Variants in SPOCK3 observed in about 807,000 individuals in gnomAD.
The protein encoded by SPOCK3 is testican-3.
In SPOCK3, 30 loss-of-function variants were observed where a neutral mutation model predicts 56.6. The ratio of observed to expected loss-of-function variants is 0.53; its 90% confidence interval spans 0.40 to 0.72. The LOEUF is 0.72. Among genes scored for constraint, SPOCK3 ranks in the 30% least tolerant of loss-of-function variants. The pLI is 0.00. For missense variants in SPOCK3, 527 were observed against 530.0 expected, an observed-to-expected ratio of 0.99 and a Z score of 0.06; for synonymous variants, 196 against 183.3, an observed-to-expected ratio of 1.07 and a Z score of -0.56.
At chr4:167,217,474 GA>G (rs1561335017) in intron 2 of SPOCK3, among the ~76,000 whole-genome samples, 2 of 151,922 alleles carry the variant, frequency 1.3e-5, no homozygotes, top group Non-Finnish European at 2.9e-5. Flanking sequence ...AAGTGTATTG[GA>G]GAATGAGTGT....
chr4:167,029,560 G>A (rs181182002), intron 3 of SPOCK3, among the ~76,000 whole-genome samples: 22 of 152,104 alleles, frequency 1.4e-4, no homozygotes, highest in Admixed American at 1.2e-3. Context: ...ATACAGAATT[G>A]TAGATTGTAA....
intron 6 of SPOCK3, among the ~76,000 whole-genome samples, chr4:166,877,880 C>T (rs996505107): frequency 6.6e-6 from 1 of 152,058 alleles, no homozygotes; most frequent in African/African-American, 2.4e-5. Flanking sequence ...ACAAGAAATG[C>T]ACAGAAAAGA....
intron 3 of SPOCK3, among the ~76,000 whole-genome samples, chr4:167,000,846 G>A (rs191279028): frequency 1.8e-4 from 27 of 152,200 alleles, no homozygotes; most frequent in African/African-American, 5.8e-4. Flanking sequence ...TTGCTTTCCC[G>A]AGATAAATGC....
chr4:166,781,165 A>G lies in SPOCK3; in HGVS notation c.709+11005T>C, dbSNP rs185013576. On this transcript the variant is annotated intron_variant, in intron 7 of 10. Transcript: ENST00000357545. ...CAGTTTTAACCAAAAAGATAGAGAC[A>G]TGTATAAAAGGAAGAAGAAAATAAA... 3.2e-3 allele frequency among the ~76,000 whole-genome samples: 483 copies of G among 152,302 alleles called. 4 individuals carry two copies. Among genetic ancestry groups the G allele is most frequent in the African/African-American group, 0.011 (455 of 41,568 alleles).
At chr4:166,797,434 C>T (rs548170115) in intron 6 of SPOCK3, among the ~76,000 whole-genome samples, 10 of 150,980 alleles carry the variant, frequency 6.6e-5, no homozygotes, top group African/African-American at 2.4e-4. Flanking sequence ...TCTCAAAGAA[C>T]TCTTTTGGCT....
intron 4 of SPOCK3, among the ~76,000 whole-genome samples, chr4:166,970,885 T>C (rs1486644651): frequency 6.6e-6 from 1 of 152,098 alleles, no homozygotes; most frequent in Admixed American, 6.6e-5. Context: ...CTTATTAAAT[T>C]TGATTTTTGT....
At chr4:166,817,968 A>C (rs17520051) in intron 6 of SPOCK3, among the ~76,000 whole-genome samples, 10,808 of 152,130 alleles carry the variant, frequency 0.071, 514 homozygotes, top group Non-Finnish European at 0.1. Flanking sequence ...TAATATCAGT[A>C]ACCGTATGAC....
Position 166,993,300 on chromosome 4 carries a change from A to G in SPOCK3, c.350+7049T>C, listed in dbSNP as rs147521954. Among the ~76,000 whole-genome samples, 695 of 152,238 alleles carry G rather than the reference A, an allele frequency of 4.6e-3. 6 individuals are homozygous for G. Among genetic ancestry groups the G allele is most frequent in the African/African-American group, 0.016 (662 of 41,556 alleles). On this transcript the variant is annotated intron_variant, in intron 4 of 10. Coordinates refer to ENST00000357545, the MANE Select transcript of SPOCK3 (RefSeq NM_001040159.2). ...CTATGCTCACTCAAAAAAAATTGACATCCCTTGAGGCGTCTAGTGCCTATG... is the reference window on the plus strand; with the variant it reads ...CTATGCTCACTCAAAAAAAATTGACGTCCCTTGAGGCGTCTAGTGCCTATG...
At chr4:166,890,926 T>C (rs1734706927) in intron 5 of SPOCK3, among the ~76,000 whole-genome samples, 1 of 152,050 alleles carries the variant, frequency 6.6e-6, no homozygotes, top group Non-Finnish European at 1.5e-5. Flanking sequence ...GTTTTATGAA[T>C]CGGGGTACTC....
At chr4:166,913,961 G>A (rs943404747) in intron 4 of SPOCK3, among the ~76,000 whole-genome samples, 5 of 152,022 alleles carry the variant, frequency 3.3e-5, no homozygotes, top group Non-Finnish European at 5.9e-5. Context: ...CTGAAAAACA[G>A]TTGGCACAAT....
chr4:166,839,780 T>A (rs1747039434), intron 6 of SPOCK3, among the ~76,000 whole-genome samples: 1 of 152,128 alleles, frequency 6.6e-6, no homozygotes, highest in African/African-American at 2.4e-5. Flanking sequence ...ATGTGCACAG[T>A]TTAATTTTAG....
At chr4:167,059,383 CA>C (rs1312577598) in intron 3 of SPOCK3, among the ~76,000 whole-genome samples, 4 of 151,904 alleles carry the variant, frequency 2.6e-5, no homozygotes, top group African/African-American at 9.7e-5. Context: ...TTCATGCAGC[CA>C]AAAAACACAT....
chr4:167,000,353 G>A lies in SPOCK3; in HGVS notation c.346C>T (p.His116Tyr). 2.6e-6 allele frequency: 4 copies of A among 1,526,470 alleles called. No homozygotes were observed. Among genetic ancestry groups the A allele is most frequent in the Non-Finnish European group, 3.6e-6 (4 of 1,110,646 alleles). The allele number at this position is 1,526,470 out of a possible 1,614,324, so 94.6% of individuals were successfully genotyped here. ...ATTAAATTTAACAATGTTTACCTGT[G>A]TGTAAGCCTCCGGTGACTAATGCAG... ...AVCISHRRLT[H>Y]RMKEAGVDHR... The change falls in exon 4 of 11, where the codon CAC (histidine) becomes TAC (tyrosine). Residue 116 changes from histidine (H) to tyrosine (Y), a missense_variant. Physicochemically the swap from His to Tyr is moderately conservative, Grantham distance 83. Coordinates refer to ENST00000357545, the MANE Select transcript of SPOCK3 (RefSeq NM_001040159.2).
At chr4:167,141,178 G>A (rs1335532785) in intron 2 of SPOCK3, among the ~76,000 whole-genome samples, 1 of 151,818 alleles carries the variant, frequency 6.6e-6, no homozygotes, top group Non-Finnish European at 1.5e-5. Context: ...GGAGAAGGAT[G>A]GATATTTTAT....
chr4:167,025,217 A>T (rs1008479330), intron 3 of SPOCK3, among the ~76,000 whole-genome samples: 3 of 142,738 alleles, frequency 2.1e-5, no homozygotes, highest in Non-Finnish European at 4.8e-5. Flanking sequence ...TTGGCCACTG[A>T]ATGCTTTTTT....
At chr4:166,910,178 G>C (rs1449634492) in intron 5 of SPOCK3, among the ~76,000 whole-genome samples, 2 of 151,992 alleles carry the variant, frequency 1.3e-5, no homozygotes, top group Non-Finnish European at 2.9e-5. Flanking sequence ...AGATTAGGAT[G>C]GATGGTTCAA....
intron 2 of SPOCK3, among the ~76,000 whole-genome samples, chr4:167,123,547 A>C (rs1332399911): frequency 6.6e-6 from 1 of 152,006 alleles, no homozygotes; most frequent in Non-Finnish European, 1.5e-5. Context: ...TACAATAGCC[A>C]TTATCTGTCT....
chr4:166,754,624 C>A lies in SPOCK3; in HGVS notation c.815G>T (p.Ser272Ile), dbSNP rs773238961. 1.2e-6 allele frequency: 2 copies of A among 1,613,694 alleles called. No homozygotes were observed. The highest frequency in any genetic ancestry group is 1.7e-6 in the Non-Finnish European group (2 of 1,179,776). ...DLLLDQSELR[S>I]IYLDKNEQCT... ...CTGTTCATTCTTATCAAGGTAAATG[C>A]TTCTGAGCTCTGACTGGTCCAATAG... The change falls in exon 8 of 11, where the codon AGC (serine) becomes ATC (isoleucine). Residue 272 changes from serine (S) to isoleucine (I), a missense_variant. Ser to Ile is a moderately radical substitution (Grantham distance 142, BLOSUM62 -2). Coordinates refer to ENST00000357545, the MANE Select transcript of SPOCK3 (RefSeq NM_001040159.2).
intron 4 of SPOCK3, among the ~76,000 whole-genome samples, chr4:166,955,485 ATTATATTATTAAATTAG>A (rs1255485768): frequency 1.2e-4 from 17 of 146,260 alleles, no homozygotes; most frequent in South Asian, 2.1e-4. Context: ...ATTTAATTAT[ATTATATTATTAAATTAG>A]TTATATTATT....
Sources: allele counts gnomAD v4.1 joint callset (sites outside exome capture counted in the v4.1 genomes callset), GRCh38; gene constraint gnomAD v4.1.1; transcripts MANE v1.5; gene names NCBI Gene and HGNC (gene_info 2026-07-23, HGNC 2026-07-21).